NCK1: variants seen among roughly 807,000 people sequenced by gnomAD.
NCK1 encodes the protein NCK adaptor protein 1, also known as SH2/SH3 adapter protein NCK1.
NCK1 carries 19 observed loss-of-function variants against 36.6 expected under a neutral mutation model. The observed-to-expected ratio is 0.52, with a 90% CI of 0.36 to 0.76. The LOEUF (loss-of-function observed/expected upper bound fraction) is 0.76, where lower values mean the gene tolerates loss of function less well. Ranked by LOEUF, NCK1 falls within the 30% of genes least tolerant of loss-of-function variation. NCK1 has a pLI of 0.00. For missense variants in NCK1, 358 were observed against 445.6 expected, an observed-to-expected ratio of 0.80 and a Z score of 1.77; for synonymous variants, 165 against 156.0, an observed-to-expected ratio of 1.06 and a Z score of -0.43.
intron 1 of NCK1, among the ~76,000 whole-genome samples, chr3:136,866,552 A>G (rs552053969): frequency 4.0e-5 from 6 of 151,366 alleles, no homozygotes; most frequent in Admixed American, 2.6e-4. Flanking sequence ...GGTGATCTAC[A>G]CATCTCAGCC....
intron 1 of NCK1, among the ~76,000 whole-genome samples, chr3:136,867,171 TC>T (rs1938467118): frequency 5.4e-5 from 3 of 55,928 alleles, no homozygotes; most frequent in Non-Finnish European, 1.1e-4. Context: ...CTTCCTTCCT[TC>T]CTTCCTTCTT....
In NCK1 at chr3:136,948,241, C is replaced by CT. The variant is rs761937235; in HGVS notation, c.940-10dup. On this transcript the variant is annotated splice_polypyrimidine_tract_variant and intron_variant, in intron 3 of 3. Transcript: ENST00000481752. ...CTTTCAAAATGTTTACTATATGTAT[C>CT]TTTTTTTTCTCTTTTAGCCAAATGA... The CT allele has an allele frequency of 1.9e-5, 30 of 1,558,380 alleles. No individual in the cohort carries two copies. Among genetic ancestry groups the CT allele is most frequent in the East Asian group, 6.8e-5 (3 of 44,320 alleles).
Position 136,948,611 on chromosome 3 carries a change from T to TA in NCK1, c.*159dup. 1 of 615,812 alleles carries TA rather than the reference T, an allele frequency of 1.6e-6. No homozygotes were observed. 38.1% of individuals were successfully genotyped at this position (615,812 alleles called of 1,614,324 possible). A position where few individuals can be genotyped will look rare whatever the true frequency, so the allele number is the denominator to read the frequency against. On this transcript the variant is annotated 3_prime_UTR_variant, in exon 4 of 4. Coordinates refer to ENST00000481752, the MANE Select transcript of NCK1 (RefSeq NM_001291999.2). ...TTTTTATTATAACTCAGCCCATACA[T>TA]ATATACTATGTATGCAGTGCATCTG...
In NCK1 at chr3:136,923,559, C is replaced by CAAATAAATAAATAAATAAAT. The variant is rs71134421; in HGVS notation, c.-18-4408_-18-4389dup. ...GACAGTGCAGTGCGAGACTCCGTCT[C>CAAATAAATAAATAAATAAAT]AAATAAATAAATAAATAAATAAATA... On this transcript the variant is annotated intron_variant, in intron 1 of 3. Transcript: ENST00000481752. 6.1e-3 allele frequency among the ~76,000 whole-genome samples: 882 copies of CAAATAAATAAATAAATAAAT among 145,660 alleles called. 10 individuals carry two copies. The highest frequency in any genetic ancestry group is 0.016 in the African/African-American group (626 of 38,962).
At chr3:136,922,727 G>A (rs1219581974) in intron 1 of NCK1, among the ~76,000 whole-genome samples, 1 of 152,170 alleles carries the variant, frequency 6.6e-6, no homozygotes, top group African/African-American at 2.4e-5. Flanking sequence ...CTGATATATT[G>A]TTAGGAGTTT....
At chr3:136,889,681 C>T (rs1939183033) in intron 1 of NCK1, among the ~76,000 whole-genome samples, 1 of 152,044 alleles carries the variant, frequency 6.6e-6, no homozygotes. Context: ...GAGCTAGGCC[C>T]AAAGTTCTCC....
At position 136,930,420 on chromosome 3, in the gene NCK1, A is replaced by T. The variant is rs900799282; in HGVS notation, c.226+2193A>T. ...TTTTGGAAAGAGAAGCCTCAGAAAAATTTTCTATTGCCTGGGTGTGGGCCA... is the reference window on the plus strand; with the variant it reads ...TTTTGGAAAGAGAAGCCTCAGAAAATTTTTCTATTGCCTGGGTGTGGGCCA... On this transcript the variant is annotated intron_variant, in intron 2 of 3. Transcript: ENST00000481752. The T allele has an allele frequency of 7.3e-6, 9 of 1,229,366 alleles. No individual in the cohort carries two copies. The African/African-American group carries it at 1.4e-4, about 19-fold the overall frequency. The allele number at this position is 1,229,366 out of a possible 1,614,324, so 76.2% of individuals were successfully genotyped here.
chr3:136,919,329 GA>G (rs1252160283), intron 1 of NCK1, among the ~76,000 whole-genome samples: 2 of 151,938 alleles, frequency 1.3e-5, no homozygotes, highest in Non-Finnish European at 2.9e-5. Context: ...AACAAACAGT[GA>G]AAATCTTACT....
At chr3:136,903,084 C>A (rs191776762) in intron 1 of NCK1, among the ~76,000 whole-genome samples, 2 of 152,218 alleles carry the variant, frequency 1.3e-5, no homozygotes, top group Admixed American at 6.5e-5. Context: ...GAATCTATCT[C>A]TCCTTACAGA....
chr3:136,939,859 TTTTAA>T (rs756228735), intron 2 of NCK1, among the ~76,000 whole-genome samples: 1 of 115,112 alleles, frequency 8.7e-6, no homozygotes, highest in African/African-American at 3.3e-5. Flanking sequence ...TTTTTTTTTT[TTTTAA>T]AATAGAGACA....
intron 1 of NCK1, among the ~76,000 whole-genome samples, chr3:136,883,541 A>G (rs933318154): frequency 9.2e-5 from 14 of 152,182 alleles, no homozygotes; most frequent in African/African-American, 3.4e-4. Context: ...TCTTTGTCAC[A>G]GCATTTTTTG....
chr3:136,928,361 A>G (rs1171774927), intron 2 of NCK1, 134 bp downstream of exon 2: 1 of 796,690 alleles, frequency 1.3e-6, no homozygotes, highest in South Asian at 1.9e-5. Context: ...GAGTCATAGC[A>G]GGTGGTCAAC....
At chr3:136,886,555 G>A (rs914786305) in intron 1 of NCK1, among the ~76,000 whole-genome samples, 4 of 151,882 alleles carry the variant, frequency 2.6e-5, no homozygotes, top group Admixed American at 2.0e-4. Context: ...TTTCCTGAAT[G>A]TTTTAAATCC....
In NCK1 at chr3:136,945,610, G is replaced by C; in HGVS notation, c.254G>C (p.Ser85Thr). ...LGIGKVKRKP[S>T]VPDSASPADD... ...ATTGGAAAAGTGAAAAGAAAACCTA[G>C]TGTGCCAGATTCTGCATCTCCTGCT... is the stretch of plus-strand genomic sequence containing the variant. Residue 85 changes from serine (S) to threonine (T), a missense_variant, in exon 3 of 4, where the codon AGT (serine) becomes ACT (threonine). Ser to Thr is a moderately conservative substitution (Grantham distance 58). Around this residue, in one of 3 missense-constraint regions of NCK1, gnomAD observed 143 missense variants for 162.4 expected, o/e 0.88. Transcript: ENST00000481752. 1 of 1,609,374 alleles carries C rather than the reference G, an allele frequency of 6.2e-7. No individual in the cohort carries two copies. Among genetic ancestry groups the C allele is most frequent in the Non-Finnish European group, 8.5e-7 (1 of 1,177,070 alleles).
chr3:136,929,355 T>A (rs1441054678), intron 2 of NCK1, among the ~76,000 whole-genome samples: 1 of 152,218 alleles, frequency 6.6e-6, no homozygotes, highest in Non-Finnish European at 1.5e-5. Flanking sequence ...TAGTACAATT[T>A]GGAGTAAGAT....
chr3:136,951,409 A>T lies in NCK1; in HGVS notation c.*2956A>T, dbSNP rs553238990. On this transcript the variant is annotated 3_prime_UTR_variant, in exon 4 of 4. Transcript: ENST00000481752. The stretch of plus-strand genomic sequence containing the variant: ...GTGCTTTAAAAAATTAATTGCCAAC[A>T]TTTAAAAATCAGGGAGTTTCACATA... 5.3e-5 allele frequency among the ~76,000 whole-genome samples: 8 copies of T among 152,328 alleles called. No homozygotes were observed. Among genetic ancestry groups the T allele is most frequent in the African/African-American group, 1.9e-4 (8 of 41,582 alleles).
chr3:136,876,567 G>GT (rs763778861), intron 1 of NCK1, among the ~76,000 whole-genome samples: 34 of 151,224 alleles, frequency 2.2e-4, no homozygotes, highest in Non-Finnish European at 2.4e-4. Context: ...AAATCTAAAG[G>GT]TTTTTTGTTT....
intron 1 of NCK1, among the ~76,000 whole-genome samples, chr3:136,872,325 T>G (rs1189951173): frequency 6.6e-6 from 1 of 152,214 alleles, no homozygotes; most frequent in Non-Finnish European, 1.5e-5. Flanking sequence ...TGGCAACATT[T>G]TGCCCCTGCC....
rs2108161089 is a variant in NCK1 at position 136,951,138 on chromosome 3, A to T, written c.*2685A>T. On this transcript the variant is annotated 3_prime_UTR_variant, in exon 4 of 4. Transcript: ENST00000481752. ...CAGATGGGCAACTTGGGTTGTTAGA[A>T]TAAGGTCATTCTTGCAGAATATGGC... Among the ~76,000 whole-genome samples the T allele has an allele frequency of 6.6e-6, 1 of 152,324 alleles. No individual in the cohort carries two copies. Among genetic ancestry groups the T allele is most frequent in the South Asian group, 2.1e-4 (1 of 4,830 alleles).
Sources: allele counts gnomAD v4.1 joint callset (sites outside exome capture counted in the v4.1 genomes callset), GRCh38; gene constraint gnomAD v4.1.1; regional missense constraint gnomAD v4.1.1; transcripts MANE v1.5; gene names NCBI Gene and HGNC (gene_info 2026-07-23, HGNC 2026-07-21).